The following GNAQ variants were observed in gnomAD, a reference collection of about 807,000 sequenced individuals.
GNAQ encodes G protein subunit alpha q, also known as guanine nucleotide-binding protein G(q) subunit alpha.
A neutral mutation model predicts 43.9 loss-of-function variants in GNAQ; 8 were observed. That is an observed-to-expected ratio of 0.18 (90% CI 0.11 to 0.33). The LOEUF (loss-of-function observed/expected upper bound fraction) is 0.33. Among genes scored for constraint, GNAQ ranks in the 10% least tolerant of loss-of-function variants. The pLI, the probability that GNAQ is intolerant of heterozygous loss-of-function variation, is 1.00. For synonymous variants in GNAQ, 155 were observed against 170.7 expected (o/e 0.91, Z 0.71); for missense variants, 158 against 450.8 (o/e 0.35, Z 5.88).
At position 77,998,477 on chromosome 9, in the gene GNAQ, C is replaced by T. The variant is rs368236226; in HGVS notation, c.136+32623G>A. On this transcript the variant is annotated intron_variant, in intron 1 of 6. Coordinates refer to ENST00000286548, the MANE Select transcript of GNAQ (RefSeq NM_002072.5). ...TTATGCAAGAAAAAGGTAACAACAT[C>T]CCTGTTCTCCATGTTCCATTTTACT... Among the ~76,000 whole-genome samples the T allele has an allele frequency of 1.3e-4, 20 of 152,296 alleles. No homozygotes were observed. In the East Asian group the frequency reaches 2.7e-3, roughly 21 times the overall value.
intron 5 of GNAQ, among the ~76,000 whole-genome samples, chr9:77,779,955 T>C (rs1185664700): frequency 6.6e-6 from 1 of 151,952 alleles, no homozygotes; most frequent in Non-Finnish European, 1.5e-5. Context: ...CAGGCCCAGA[T>C]GGAATCACTG....
intron 2 of GNAQ, among the ~76,000 whole-genome samples, chr9:77,892,072 G>A (rs1828414521): frequency 6.6e-6 from 1 of 152,138 alleles, no homozygotes; most frequent in African/African-American, 2.4e-5. Context: ...GTCTTGAGCA[G>A]CAAATTATAT....
At chr9:77,960,471 G>GA (rs1251513969) in intron 1 of GNAQ, among the ~76,000 whole-genome samples, 1 of 152,162 alleles carries the variant, frequency 6.6e-6, no homozygotes, top group Non-Finnish European at 1.5e-5. Flanking sequence ...CCTGGCCCTG[G>GA]AGTGATATTA....
At chr9:77,745,913 G>A (rs1825721114) in intron 5 of GNAQ, among the ~76,000 whole-genome samples, 1 of 151,964 alleles carries the variant, frequency 6.6e-6, no homozygotes, top group Non-Finnish European at 1.5e-5. Flanking sequence ...CAGAAGGGCT[G>A]GGGGTGGAAG....
intron 5 of GNAQ, among the ~76,000 whole-genome samples, chr9:77,731,417 C>T (rs1328751865): frequency 6.6e-6 from 1 of 152,200 alleles, no homozygotes; most frequent in South Asian, 2.1e-4. Flanking sequence ...GCAGGTCCTG[C>T]TGAAGCTCAC....
intron 1 of GNAQ, among the ~76,000 whole-genome samples, chr9:77,979,037 A>C (rs1445783792): frequency 2.6e-5 from 4 of 152,154 alleles, no homozygotes; most frequent in Non-Finnish European, 5.9e-5. Context: ...CCTGAGTGAC[A>C]GAGTAAGACT....
intron 2 of GNAQ, among the ~76,000 whole-genome samples, chr9:77,833,609 G>C (rs1827335857): frequency 6.6e-6 from 1 of 152,156 alleles, no homozygotes; most frequent in Admixed American, 6.5e-5. Flanking sequence ...GTTTCCATTT[G>C]TTCAGATGCT....
At chr9:77,757,784 C>T (rs1239723169) in intron 5 of GNAQ, among the ~76,000 whole-genome samples, 1 of 152,172 alleles carries the variant, frequency 6.6e-6, no homozygotes, top group Non-Finnish European at 1.5e-5. Context: ...CACAAACCTC[C>T]CATTGGTATA....
chr9:77,948,449 G>C (rs1822931976), intron 1 of GNAQ, among the ~76,000 whole-genome samples: 1 of 152,060 alleles, frequency 6.6e-6, no homozygotes, highest in South Asian at 2.1e-4. Flanking sequence ...GCCTGACACG[G>C]GACTACTCAG....
At chr9:77,842,735 A>G (rs1285524558) in intron 2 of GNAQ, among the ~76,000 whole-genome samples, 1 of 152,134 alleles carries the variant, frequency 6.6e-6, no homozygotes, top group Non-Finnish European at 1.5e-5. Flanking sequence ...ACCTCCAGGC[A>G]TATGGCCCAA....
At chr9:77,782,557 T>C (rs1826411020) in intron 5 of GNAQ, among the ~76,000 whole-genome samples, 1 of 152,284 alleles carries the variant, frequency 6.6e-6, no homozygotes, top group African/African-American at 2.4e-5. Flanking sequence ...GAATGAAAAC[T>C]GGTACAGCCA....
intron 5 of GNAQ, among the ~76,000 whole-genome samples, chr9:77,761,210 G>C (rs1338360196): frequency 6.9e-6 from 1 of 144,420 alleles, no homozygotes; most frequent in Non-Finnish European, 1.5e-5. Flanking sequence ...CCTCTGCCCA[G>C]CTGCCCCTAC....
At chr9:77,819,717 G>A (rs1249611648) in intron 2 of GNAQ, among the ~76,000 whole-genome samples, 3 of 150,216 alleles carry the variant, frequency 2.0e-5, no homozygotes, top group African/African-American at 4.9e-5. Flanking sequence ...TTTTTTCTAA[G>A]TGCTTATTTC....
rs548098942 is a variant in GNAQ, at chr9:77,991,364, G to A, written c.136+39736C>T. 1.6e-4 allele frequency among the ~76,000 whole-genome samples: 24 copies of A among 152,164 alleles called. No homozygotes were observed. The East Asian group carries it at 4.3e-3, about 27-fold the overall frequency. Reference sequence around the variant, plus strand: ...TAAGAGATACAAACCACCGTGGAATGGCCACAAATACCAGAAAAGGCCTAA... The same window carrying A: ...TAAGAGATACAAACCACCGTGGAATAGCCACAAATACCAGAAAAGGCCTAA... On this transcript the variant is annotated intron_variant, in intron 1 of 6. Coordinates refer to ENST00000286548, the MANE Select transcript of GNAQ (RefSeq NM_002072.5).
At chr9:78,028,642 G>C (rs1266809350) in intron 1 of GNAQ, among the ~76,000 whole-genome samples, 1 of 152,094 alleles carries the variant, frequency 6.6e-6, no homozygotes, top group Non-Finnish European at 1.5e-5. Flanking sequence ...AATATTAGTA[G>C]ATCTTTAAAC....
chr9:77,879,052 A>AC (rs1828170731), intron 2 of GNAQ, among the ~76,000 whole-genome samples: 1 of 152,158 alleles, frequency 6.6e-6, no homozygotes, highest in Admixed American at 6.5e-5. Context: ...TCTCAAAAAA[A>AC]CAAAACAAAC....
intron 5 of GNAQ, among the ~76,000 whole-genome samples, chr9:77,741,327 TTTAC>T (rs1825651019): frequency 6.6e-6 from 1 of 152,092 alleles, no homozygotes; most frequent in Admixed American, 6.5e-5. Context: ...TCTGAGCATA[TTTAC>T]TTATAATTTA....
chr9:77,817,846 G>A (rs1170257157), intron 2 of GNAQ, among the ~76,000 whole-genome samples: 2 of 152,114 alleles, frequency 1.3e-5, no homozygotes, highest in Non-Finnish European at 2.9e-5. Flanking sequence ...GGTCAAACGA[G>A]GTGTCAGAGA....
At chr9:77,989,315 C>T (rs562709568) in intron 1 of GNAQ, among the ~76,000 whole-genome samples, 1 of 152,312 alleles carries the variant, frequency 6.6e-6, no homozygotes, top group East Asian at 1.9e-4. Context: ...TCAGTTAGGG[C>T]ACCCATCCCC....
Sources: allele counts gnomAD v4.1 joint callset (sites outside exome capture counted in the v4.1 genomes callset), GRCh38; gene constraint gnomAD v4.1.1; transcripts MANE v1.5; gene names NCBI Gene and HGNC (gene_info 2026-07-23, HGNC 2026-07-21).